The following TAFA5 variants were observed in gnomAD, a reference collection of about 807,000 sequenced individuals.
TAFA5 encodes TAFA chemokine like family member 5.
In TAFA5, 6 loss-of-function variants were observed where a neutral mutation model predicts 15.3. The ratio of observed to expected loss-of-function variants is 0.39; its 90% CI spans 0.21 to 0.77. TAFA5 has a LOEUF of 0.77. TAFA5 is among the 30% of genes least tolerant of loss of function. TAFA5 has a pLI of 0.41. For synonymous variants in TAFA5, 103 were observed against 80.7 expected, an observed-to-expected ratio of 1.28 and a Z score of -1.48; for missense variants, 161 against 193.1, an observed-to-expected ratio of 0.83 and a Z score of 0.98.
At chr22:48,491,924 A>G (rs1928167180) in intron 1 of TAFA5, among the ~76,000 whole-genome samples, 1 of 152,244 alleles carries the variant, frequency 6.6e-6, no homozygotes, top group African/African-American at 2.4e-5. Context: ...TTACCAGAGT[A>G]GCAGAAATAA....
chr22:48,696,496 G>A (rs1928716699), intron 2 of TAFA5, among the ~76,000 whole-genome samples: 1 of 152,216 alleles, frequency 6.6e-6, no homozygotes, highest in Non-Finnish European at 1.5e-5. Context: ...AAGGTCTGGG[G>A]CTTCAGATGC....
intron 2 of TAFA5, among the ~76,000 whole-genome samples, chr22:48,648,098 G>A (rs1325021490): frequency 6.6e-6 from 1 of 152,186 alleles, no homozygotes; most frequent in Non-Finnish European, 1.5e-5. Flanking sequence ...CTTCAGGGCA[G>A]CTATATCCGT....
Position 48,723,199 on chromosome 22 carries a change from G to A in TAFA5, c.390+15355G>A, listed in dbSNP as rs866657763. Among the ~76,000 whole-genome samples the A allele has an allele frequency of 1.4e-4, 21 of 152,316 alleles. No homozygotes were observed. The Middle Eastern group carries it at 0.024, about 173-fold the overall frequency. ...CCCAGATAGCAGCACACAGGATACCGGGGCTCTGCCAGCCACCCCCTTCCA... is the reference window on the plus strand; with the variant it reads ...CCCAGATAGCAGCACACAGGATACCAGGGCTCTGCCAGCCACCCCCTTCCA... On this transcript the variant is annotated intron_variant, in intron 3 of 3. Transcript: ENST00000402357.
chr22:48,632,226 C>T (rs1926256476), intron 1 of TAFA5, among the ~76,000 whole-genome samples: 1 of 152,194 alleles, frequency 6.6e-6, no homozygotes, highest in Non-Finnish European at 1.5e-5. Context: ...GCCCTGCCTG[C>T]CTCCCACCTA....
At chr22:48,621,862 G>A (rs543070122) in intron 1 of TAFA5, among the ~76,000 whole-genome samples, 19 of 152,268 alleles carry the variant, frequency 1.2e-4, no homozygotes, top group African/African-American at 3.1e-4. Flanking sequence ...GCCTCAGCCC[G>A]GAGCAGGGCT....
chr22:48,542,059 T>C (rs1023016514), intron 1 of TAFA5, among the ~76,000 whole-genome samples: 23 of 151,714 alleles, frequency 1.5e-4, no homozygotes, highest in Non-Finnish European at 3.2e-4. Context: ...GGCGTGTGTG[T>C]GTGGTGTGTG....
chr22:48,723,551 T>C (rs1024348984), intron 3 of TAFA5, among the ~76,000 whole-genome samples: 1 of 152,188 alleles, frequency 6.6e-6, no homozygotes, highest in African/African-American at 2.4e-5. Context: ...CCTCCCAGAC[T>C]GACAAGCCCC....
chr22:48,742,347 A>G lies in TAFA5; in HGVS notation c.391-7492A>G, dbSNP rs1930204180. ...CCTGGTGTTGAGAAACCTGCTTCACAGCGGAGGACACAGACAGCAGAGTCA... is the reference window on the plus strand; with the variant it reads ...CCTGGTGTTGAGAAACCTGCTTCACGGCGGAGGACACAGACAGCAGAGTCA... On this transcript the variant is annotated intron_variant, in intron 3 of 3. Coordinates refer to ENST00000402357, the MANE Select transcript of TAFA5 (RefSeq NM_001082967.3). This position sits in a 1 kb window ranked among gnomAD's most constrained non-coding sequence, Gnocchi z 6.2. Among the ~76,000 whole-genome samples the G allele has an allele frequency of 6.6e-6, 1 of 152,260 alleles. No individual in the cohort carries two copies. The highest frequency in any genetic ancestry group is 2.4e-5 in the African/African-American group (1 of 41,478).
chr22:48,634,139 CACTCATTT>C (rs1926351728), intron 1 of TAFA5, among the ~76,000 whole-genome samples: 1 of 149,580 alleles, frequency 6.7e-6, no homozygotes, highest in Admixed American at 6.7e-5. Flanking sequence ...CTCACTCACT[CACTCATTT>C]ATTCACTCAC....
At chr22:48,741,420 A>G (rs996146551) in intron 3 of TAFA5, among the ~76,000 whole-genome samples, 1 of 152,094 alleles carries the variant, frequency 6.6e-6, no homozygotes, top group African/African-American at 2.4e-5. Flanking sequence ...GACTCTAGGC[A>G]TTTTCTGCAT....
At chr22:48,589,447 G>C (rs918467532) in intron 1 of TAFA5, among the ~76,000 whole-genome samples, 4 of 151,448 alleles carry the variant, frequency 2.6e-5, no homozygotes, top group African/African-American at 7.3e-5. Flanking sequence ...CCCAGGGTCG[G>C]TTGGAGGTCC....
intron 1 of TAFA5, among the ~76,000 whole-genome samples, chr22:48,536,503 C>T (rs923637127): frequency 6.6e-6 from 1 of 152,234 alleles, no homozygotes; most frequent in Non-Finnish European, 1.5e-5. Context: ...AGGCGTGCGC[C>T]GTGGCTGACG....
chr22:48,682,513 C>G (rs1331282515), intron 2 of TAFA5, among the ~76,000 whole-genome samples: 1 of 152,226 alleles, frequency 6.6e-6, no homozygotes, highest in Non-Finnish European at 1.5e-5. Flanking sequence ...GAAAAGAGGT[C>G]TTCTTGACAT....
intron 1 of TAFA5, among the ~76,000 whole-genome samples, chr22:48,542,944 A>G (rs1922514491): frequency 7.3e-6 from 1 of 137,804 alleles, no homozygotes; most frequent in Non-Finnish European, 1.6e-5. Context: ...TGGGGTGTAT[A>G]GTCTGTGGTG....
chr22:48,737,945 C>T (rs1288908579), intron 3 of TAFA5, among the ~76,000 whole-genome samples: 2 of 152,064 alleles, frequency 1.3e-5, no homozygotes, highest in African/African-American at 4.8e-5. Flanking sequence ...TGTTGTGCCT[C>T]CTGCGGTTGC....
intron 3 of TAFA5, among the ~76,000 whole-genome samples, chr22:48,746,955 A>G (rs1272814909): frequency 6.6e-6 from 1 of 152,068 alleles, no homozygotes; most frequent in African/African-American, 2.4e-5. Context: ...GGTGGCCAGC[A>G]CCTCCCTTCC....
chr22:48,626,762 A>G (rs916723748), intron 1 of TAFA5, among the ~76,000 whole-genome samples: 1 of 152,218 alleles, frequency 6.6e-6, no homozygotes, highest in Non-Finnish European at 1.5e-5. Context: ...CTCATCACCC[A>G]ATTCAAGGCT....
chr22:48,685,690 C>G (rs1429874754), intron 2 of TAFA5, among the ~76,000 whole-genome samples: 1 of 151,878 alleles, frequency 6.6e-6, no homozygotes, highest in Non-Finnish European at 1.5e-5. Flanking sequence ...TTTCTCTGGG[C>G]TCTCCTTGGC....
chr22:48,624,295 G>C (rs573625658), intron 1 of TAFA5, among the ~76,000 whole-genome samples: 283 of 152,268 alleles, frequency 1.9e-3, no homozygotes, highest in African/African-American at 6.5e-3. Flanking sequence ...CACATACTTG[G>C]CCTTGAGCAC....
Sources: allele counts gnomAD v4.1 joint callset (sites outside exome capture counted in the v4.1 genomes callset), GRCh38; gene constraint gnomAD v4.1.1; non-coding constraint Gnocchi (gnomAD v3.1); transcripts MANE v1.5; gene names NCBI Gene and HGNC (gene_info 2026-07-23, HGNC 2026-07-21).